SHOX: variants seen among roughly 807,000 people sequenced by gnomAD.
SHOX encodes short stature homeobox protein.
A neutral mutation model predicts 29.6 loss-of-function variants in SHOX; 12 were observed. The observed-to-expected ratio is 0.41, with a 90% CI of 0.26 to 0.66. The LOEUF is 0.66. Among genes scored for constraint, SHOX ranks in the 30% least tolerant of loss-of-function variants. SHOX has a pLI of 0.35. For missense variants in SHOX, 499 were observed against 437.7 expected (o/e 1.14, Z -1.25); for synonymous variants, 214 against 200.6 (o/e 1.07, Z -0.57).
chrX:639,014 T>C (rs1346415296), intron 2 of SHOX, among the ~76,000 whole-genome samples: 1 of 152,070 alleles, frequency 6.6e-6, no homozygotes, highest in East Asian at 1.9e-4. Context: ...GGTGTCCAGA[T>C]TACCAGGCAT....
At chrX:655,456 T>G (rs1437777514), downstream of SHOX, among the ~76,000 whole-genome samples, 2 of 151,256 alleles carry the variant, frequency 1.3e-5, no homozygotes, top group African/African-American at 4.9e-5. Context: ...AATCAAAAAT[T>G]TAGCCAGCTG....
intron 1 of SHOX, 113 bp downstream of exon 1, chrX:631,287 GC>G: frequency 7.4e-7 from 1 of 1,348,630 alleles, no homozygotes; most frequent in Non-Finnish European, 1.1e-6. Flanking sequence ...CTCCCGTCTC[GC>G]CAGGGTAAGG....
At chrX:636,548 T>A (rs1224370411) in intron 2 of SHOX, among the ~76,000 whole-genome samples, 1 of 18,254 alleles carries the variant, frequency 5.5e-5, no homozygotes, top group Non-Finnish European at 7.8e-5. Flanking sequence ...CATATAAAAA[T>A]ATATATAAAC....
intron 1 of SHOX, among the ~76,000 whole-genome samples, chrX:625,644 T>C (rs1603281678): frequency 6.7e-6 from 1 of 149,836 alleles, no homozygotes; most frequent in East Asian, 2.0e-4. Context: ...TCTATCTCTG[T>C]CTCTCTTTCT....
Position 646,406 on chromosome X carries a change from C to A in SHOX, c.*1770C>A, listed in dbSNP as rs1208796295. 6.6e-6 allele frequency: 1 copy of A among 151,694 alleles called. No homozygotes were observed. The highest frequency in any genetic ancestry group is 1.5e-5 in the Non-Finnish European group (1 of 67,994). The allele number at this position is 151,694 out of a possible 1,614,324, so 9.4% of individuals were successfully genotyped here. On this transcript the variant is annotated 3_prime_UTR_variant, in exon 5 of 5. Coordinates refer to ENST00000686671, the MANE Select transcript of SHOX (RefSeq NM_000451.4). ...CTGCCCAGAGAGAAACTATCTTCTC[C>A]CAACATTTACTAACATCCACTGGTC...
rs1280541771 is a variant in SHOX, at chrX:645,779, T to C, written c.*1143T>C. On this transcript the variant is annotated 3_prime_UTR_variant, in exon 5 of 5. Coordinates refer to ENST00000686671, the MANE Select transcript of SHOX (RefSeq NM_000451.4). Reference sequence around the variant, plus strand: ...GTTTGGTACCTGAGCTGTTTCTGGTTGGGAAGCGTAAAAGCCAGGGAGAGA... The same window carrying C: ...GTTTGGTACCTGAGCTGTTTCTGGTCGGGAAGCGTAAAAGCCAGGGAGAGA... 1 of 152,240 alleles carries C rather than the reference T, an allele frequency of 6.6e-6. No homozygotes were observed. Among genetic ancestry groups the C allele is most frequent in the African/African-American group, 2.4e-5 (1 of 41,456 alleles). The allele number at this position is 152,240 out of a possible 1,614,324, so 9.4% of individuals were successfully genotyped here.
chrX:654,549 A>G (rs1183434322), downstream of SHOX, among the ~76,000 whole-genome samples: 1 of 152,122 alleles, frequency 6.6e-6, no homozygotes, highest in Non-Finnish European at 1.5e-5. Flanking sequence ...TCCTGTGCTG[A>G]AATATAATGC....
In SHOX at chrX:650,566, C is replaced by A. The variant is rs1384774222; in HGVS notation, c.*5930C>A. Among the ~76,000 whole-genome samples the A allele has an allele frequency of 6.6e-6, 1 of 151,776 alleles. No homozygotes were observed. The highest frequency in any genetic ancestry group is 2.4e-5 in the African/African-American group (1 of 41,328). ...AAATACCAGAGTCCTCTGTCCTCGC[C>A]TCTGGGTTTCATGCTGACCTTTCTA... On this transcript the variant is annotated 3_prime_UTR_variant, in exon 5 of 5. Transcript: ENST00000686671.
In SHOX at chrX:648,297, C is replaced by T. The variant is rs2052991197; in HGVS notation, c.*3661C>T. Among the ~76,000 whole-genome samples, 1 of 148,864 alleles carries T rather than the reference C, an allele frequency of 6.7e-6. No homozygotes were observed. The highest frequency in any genetic ancestry group is 2.5e-5 in the African/African-American group (1 of 39,966). ...AGCTGGGATTACAGGCACCTGCCACCAGGCCTGGGTAACTTTCTGGTAGTT... is the reference window on the plus strand; with the variant it reads ...AGCTGGGATTACAGGCACCTGCCACTAGGCCTGGGTAACTTTCTGGTAGTT... On this transcript the variant is annotated 3_prime_UTR_variant, in exon 5 of 5. Transcript: ENST00000686671.
chrX:634,584 G>A lies in SHOX; in HGVS notation c.278-34G>A, dbSNP rs189000853. 329 of 1,609,120 alleles carry A rather than the reference G, an allele frequency of 2.0e-4. 1 individual carries two copies. The East Asian group carries it at 5.4e-3, about 26-fold the overall frequency. ...TCGCCACGTTGCGCAAAACCTCCCC[G>A]GCCTCAGCCCTGTGCCCTCCGCTCC... is the stretch of plus-strand genomic sequence containing the variant. On this transcript the variant is annotated intron_variant, in intron 1 of 4. Coordinates refer to ENST00000686671, the MANE Select transcript of SHOX (RefSeq NM_000451.4).
intron 2 of SHOX, among the ~76,000 whole-genome samples, chrX:636,026 T>C: frequency 6.6e-6 from 1 of 152,042 alleles, no homozygotes. Flanking sequence ...GGACTGGTTA[T>C]GAGGTCAACA....
chrX:640,050 A>G (rs1409232748), intron 2 of SHOX, among the ~76,000 whole-genome samples: 1 of 148,822 alleles, frequency 6.7e-6, no homozygotes, highest in Admixed American at 6.8e-5. Context: ...AGAAAACCCA[A>G]TTTCCAGTTC....
chrX:634,914 G>T, intron 2 of SHOX, 88 bp downstream of exon 2: 1 of 1,384,332 alleles, frequency 7.2e-7, no homozygotes, highest in Non-Finnish European at 9.7e-7. Flanking sequence ...CCTGCGCCCG[G>T]GCCGCCGCCG....
At position 634,470 on chromosome X, in the gene SHOX, CT is replaced by C. The variant is rs776600699; in HGVS notation, c.278-144del. 4,646 of 807,224 alleles carry C rather than the reference CT, an allele frequency of 5.8e-3. 13 individuals carry two copies. The highest frequency in any genetic ancestry group is 6.4e-3 in the Non-Finnish European group (3,061 of 476,906). 50.0% of individuals were successfully genotyped at this position (807,224 alleles called of 1,614,324 possible). ...GGAAAGCAGCGAGTATCCTCCTCGG[CT>C]TTTGCCTTATGGACCCCACGCAGTT... On this transcript the variant is annotated intron_variant, in intron 1 of 4. Coordinates refer to ENST00000686671, the MANE Select transcript of SHOX (RefSeq NM_000451.4).
At chrX:636,801 A>T (rs1025119024) in intron 2 of SHOX, among the ~76,000 whole-genome samples, 5 of 143,496 alleles carry the variant, frequency 3.5e-5, no homozygotes, top group Admixed American at 1.4e-4. Context: ...ATATATATAT[A>T]TTTTTGGCCC....
chrX:658,490 A>C (rs1222162818), intron 5 of SHOX, among the ~76,000 whole-genome samples: 2 of 118,718 alleles, frequency 1.7e-5, no homozygotes, highest in Non-Finnish European at 3.4e-5. Context: ...TTTTTTTTTG[A>C]GACGGAGTCT....
At chrX:652,243 T>A (rs941926520), downstream of SHOX, among the ~76,000 whole-genome samples, 6 of 152,100 alleles carry the variant, frequency 3.9e-5, no homozygotes, top group Non-Finnish European at 8.8e-5. Context: ...TGGCACGGAT[T>A]TTCCAGCACG....
At chrX:634,927 C>G in intron 2 of SHOX, 101 bp downstream of exon 2, 1 of 1,292,194 alleles carries the variant, frequency 7.7e-7, no homozygotes. Flanking sequence ...CGCCGCCGTC[C>G]CCTTCCCGGA....
chrX:657,722 G>A (rs1247830449), intron 5 of SHOX, among the ~76,000 whole-genome samples: 2 of 152,154 alleles, frequency 1.3e-5, no homozygotes, highest in African/African-American at 2.4e-5. Flanking sequence ...TCTCAGAAGC[G>A]AGTTGAACGA....
Sources: gnomAD v4.1 joint callset for allele counts (sites outside exome capture counted in the v4.1 genomes callset) on GRCh38, gnomAD v4.1.1 for gene constraint, MANE v1.5 for transcripts, NCBI Gene and HGNC (gene_info 2026-07-23, HGNC 2026-07-21) for gene names.